TBC1D1: variants seen among roughly 807,000 people sequenced by gnomAD.
TBC1D1 encodes the protein TBC1 domain family member 1, also known as TBC1 (tre-2/USP6, BUB2, cdc16) domain family, member 1.
Under a neutral mutation model 125.6 loss-of-function variants are expected in TBC1D1, and 89 were observed. The observed-to-expected ratio is 0.71, with a 90% CI of 0.60 to 0.85. TBC1D1 has a LOEUF of 0.85. TBC1D1 is among the 40% of genes least tolerant of loss of function. TBC1D1 has a pLI of 0.00. For missense variants in TBC1D1, 1,377 were observed against 1,469.2 expected, an observed-to-expected ratio of 0.94 and a Z score of 1.03; for synonymous variants, 565 against 564.1, an observed-to-expected ratio of 1.00 and a Z score of -0.02.
chr4:37,931,629 C>T (rs1723279406), intron 2 of TBC1D1, among the ~76,000 whole-genome samples: 1 of 152,106 alleles, frequency 6.6e-6, no homozygotes, highest in South Asian at 2.1e-4. Context: ...AGGCACCTGC[C>T]ACCACACCTG....
intron 11 of TBC1D1, 126 bp downstream of exon 12, chr4:38,052,186 T>C (rs775259639): frequency 5.2e-5 from 31 of 601,590 alleles, no homozygotes; most frequent in South Asian, 1.4e-4. Context: ...TGTGTGTGTG[T>C]GTGTGTGTGC....
intron 2 of TBC1D1, among the ~76,000 whole-genome samples, chr4:37,953,692 C>G (rs998304539): frequency 2.0e-5 from 3 of 152,040 alleles, no homozygotes; most frequent in Non-Finnish European, 2.9e-5. Flanking sequence ...TTCTACAGAA[C>G]CTTAGAGCTC....
Position 38,054,239 on chromosome 4 carries a change from G to A in TBC1D1, c.1951G>A (p.Gly651Arg), listed in dbSNP as rs750896482. Residue 651 changes from glycine to arginine, a missense_variant, in exon 12 of 20, where the codon GGG (glycine) becomes AGG (arginine). Gly to Arg is a moderately radical substitution (Grantham distance 125). Around this residue, in one of 3 missense-constraint regions of TBC1D1, gnomAD observed 12 missense variants for 31.1 expected, o/e 0.39. Transcript: ENST00000261439. ...AGCAAACCATCTTGGTGATTCTGGT[G>A]GGACTCCTGTGAAGACCCGGAGGCA... is the stretch of plus-strand genomic sequence containing the variant. The A allele has an allele frequency of 3.1e-6, 5 of 1,614,148 alleles. No homozygotes were observed. The South Asian group carries it at 5.5e-5, about 18-fold the overall frequency.
intron 3 of TBC1D1, among the ~76,000 whole-genome samples, chr4:38,015,794 G>T (rs1041743221): frequency 1.3e-5 from 2 of 152,200 alleles, no homozygotes; most frequent in African/African-American, 4.8e-5. Context: ...AGGTGAGATG[G>T]CCAGGGGGTA....
At chr4:37,892,900 A>G (rs1384444151) in intron 1 of TBC1D1, among the ~76,000 whole-genome samples, 1 of 152,142 alleles carries the variant, frequency 6.6e-6, no homozygotes. Flanking sequence ...CCTGTCCCCC[A>G]CTTCCCTAGA....
intron 2 of TBC1D1, among the ~76,000 whole-genome samples, chr4:37,965,381 A>G (rs1246201360): frequency 6.6e-6 from 1 of 152,180 alleles, no homozygotes; most frequent in South Asian, 2.1e-4. Flanking sequence ...CACTCAATAC[A>G]CATTATGTTT....
At chr4:38,074,188 A>G (rs1488845951) in intron 12 of TBC1D1, among the ~76,000 whole-genome samples, 1 of 152,200 alleles carries the variant, frequency 6.6e-6, no homozygotes, top group East Asian at 1.9e-4. Context: ...GAATTGAGGG[A>G]CAGCAAAAAC....
chr4:37,965,179 G>T (rs565504231), intron 2 of TBC1D1, among the ~76,000 whole-genome samples: 2 of 152,342 alleles, frequency 1.3e-5, no homozygotes, highest in East Asian at 3.9e-4. Context: ...AAGTAAAGTG[G>T]TTAAGTTGGC....
At chr4:38,108,992 A>G (rs955017097) in intron 15 of TBC1D1, among the ~76,000 whole-genome samples, 1 of 152,214 alleles carries the variant, frequency 6.6e-6, no homozygotes, top group African/African-American at 2.4e-5. Context: ...ACAGAGCAGC[A>G]TCGTGCACTT....
At chr4:38,124,617 A>G (rs145468815) in intron 17 of TBC1D1, among the ~76,000 whole-genome samples, 2 of 152,308 alleles carry the variant, frequency 1.3e-5, no homozygotes, top group East Asian at 3.9e-4. Flanking sequence ...AAAATCTTTT[A>G]GTGTGACCCA....
chr4:38,114,872 G>T (rs1225064241), intron 15 of TBC1D1, among the ~76,000 whole-genome samples: 1 of 151,900 alleles, frequency 6.6e-6, no homozygotes, highest in Admixed American at 6.6e-5. Flanking sequence ...CCTATAGTTT[G>T]AAAGTACGGA....
chr4:38,114,680 C>T (rs549561705), intron 15 of TBC1D1, among the ~76,000 whole-genome samples: 1 of 152,102 alleles, frequency 6.6e-6, no homozygotes, highest in African/African-American at 2.4e-5. Flanking sequence ...AGGAACTTGA[C>T]AAGTATCAGC....
At chr4:37,978,330 A>T (rs910336945) in intron 2 of TBC1D1, among the ~76,000 whole-genome samples, 6 of 152,012 alleles carry the variant, frequency 3.9e-5, no homozygotes, top group South Asian at 2.1e-4. Context: ...GCTGGTCGTT[A>T]GGGCATCTTG....
chr4:37,961,190 C>A, intron 2 of TBC1D1: 1 of 848,882 alleles, frequency 1.2e-6, no homozygotes, highest in Non-Finnish European at 1.8e-6. Flanking sequence ...ATATTTCTTC[C>A]ATACTACAGC....
chr4:37,935,837 C>T (rs1004992721), intron 2 of TBC1D1, among the ~76,000 whole-genome samples: 1 of 152,168 alleles, frequency 6.6e-6, no homozygotes, highest in Non-Finnish European at 1.5e-5. Flanking sequence ...CTGGCCCCAC[C>T]ATCCTGAACC....
At chr4:37,992,372 T>A (rs1241919544) in intron 2 of TBC1D1, among the ~76,000 whole-genome samples, 1 of 152,082 alleles carries the variant, frequency 6.6e-6, no homozygotes, top group Non-Finnish European at 1.5e-5. Flanking sequence ...ACTTACCAGG[T>A]TTTGAGCCCA....
intron 12 of TBC1D1, among the ~76,000 whole-genome samples, chr4:38,069,958 G>C (rs61473032): frequency 0.043 from 6,558 of 152,212 alleles, 466 homozygotes; most frequent in African/African-American, 0.15. Flanking sequence ...TGTGGCTCAG[G>C]GAAGCCAAAA....
At chr4:38,109,406 G>A (rs981395048) in intron 15 of TBC1D1, among the ~76,000 whole-genome samples, 8 of 152,200 alleles carry the variant, frequency 5.3e-5, no homozygotes, top group African/African-American at 1.9e-4. Flanking sequence ...ATAAAGTGGG[G>A]TATGATTTCC....
In TBC1D1 at chr4:37,925,762, C is replaced by CA. The variant is rs947486967; in HGVS notation, c.417+23258dup. On this transcript the variant is annotated intron_variant, in intron 2 of 19. Transcript: ENST00000261439. ...TTGGAAAAAAATAGTAACATATTAACAAAAAAAACAGAAACCACCCTATAA... is the reference window on the plus strand; with the variant it reads ...TTGGAAAAAAATAGTAACATATTAACAAAAAAAAACAGAAACCACCCTATAA... Among the ~76,000 whole-genome samples, 98 of 147,478 alleles carry CA rather than the reference C, an allele frequency of 6.6e-4. No individual in the cohort carries two copies. The Middle Eastern group carries it at 0.014, about 21-fold the overall frequency.
Sources: allele counts gnomAD v4.1 joint callset (sites outside exome capture counted in the v4.1 genomes callset), GRCh38; gene constraint gnomAD v4.1.1; regional missense constraint gnomAD v4.1.1; transcripts MANE v1.5; gene names NCBI Gene and HGNC (gene_info 2026-07-23, HGNC 2026-07-21).